The following SENP7 variants were observed in gnomAD, a reference collection of about 807,000 sequenced individuals.
SENP7 encodes the protein SUMO specific peptidase 7.
A neutral mutation model predicts 141.2 loss-of-function variants in SENP7; 64 were observed. The ratio of observed to expected loss-of-function variants is 0.45; its 90% CI spans 0.37 to 0.56. SENP7 has a LOEUF of 0.56. Ranked by LOEUF, SENP7 falls within the 20% of genes least tolerant of loss-of-function variation. The pLI, the probability that SENP7 is intolerant of heterozygous loss-of-function variation, is 0.00. For missense variants in SENP7, 1,025 were observed against 1,212.2 expected, an observed-to-expected ratio of 0.85 and a Z score of 2.29; for synonymous variants, 382 against 426.4, an observed-to-expected ratio of 0.90 and a Z score of 1.28.
chr3:101,443,233 T>C lies in SENP7; in HGVS notation c.284+15722A>G, dbSNP rs570188539. On this transcript the variant is annotated intron_variant, in intron 4 of 23. Transcript: ENST00000394095. The stretch of plus-strand genomic sequence containing the variant: ...TCCTTTCCCCATTGCTTGTTTTTGT[T>C]AGGTTTGTCAAAGATCAGATAGTTG... 3.2e-3 allele frequency among the ~76,000 whole-genome samples: 492 copies of C among 152,228 alleles called. 1 individual carries two copies. The highest frequency in any genetic ancestry group is 0.011 in the African/African-American group (477 of 41,510).
chr3:101,416,526 T>A lies in SENP7; in HGVS notation c.482+1067A>T, dbSNP rs574716952. Among the ~76,000 whole-genome samples the A allele has an allele frequency of 2.0e-5, 3 of 152,318 alleles. No homozygotes were observed. In the East Asian group the frequency reaches 5.8e-4, roughly 29 times the overall value. On this transcript the variant is annotated intron_variant, in intron 5 of 23. Coordinates refer to ENST00000394095, the MANE Select transcript of SENP7 (RefSeq NM_020654.5). ...AGATTAACCTGTACTGGGGAAGAAATCTGCTAGAACATAGAATGAGAGCAA... is the reference window on the plus strand; with the variant it reads ...AGATTAACCTGTACTGGGGAAGAAAACTGCTAGAACATAGAATGAGAGCAA...
intron 4 of SENP7, among the ~76,000 whole-genome samples, chr3:101,426,300 C>G (rs533052770): frequency 2.0e-5 from 3 of 152,178 alleles, no homozygotes; most frequent in Non-Finnish European, 4.4e-5. Flanking sequence ...ATGTTACAGG[C>G]AGCTAAAAAG....
intron 10 of SENP7, among the ~76,000 whole-genome samples, chr3:101,364,548 T>C (rs550826846): frequency 6.6e-6 from 1 of 152,218 alleles, no homozygotes; most frequent in East Asian, 1.9e-4. Flanking sequence ...TTCTACAAAA[T>C]GTTAGTGAAA....
Position 101,337,497 on chromosome 3 carries a change from G to A in SENP7, c.2480+12C>T, listed in dbSNP as rs758601286. ...TCTCTTAAAACTTAAGTACATTAGA[G>A]GATTAACTTACGAAAGATTTGGATT... On this transcript the variant is annotated intron_variant, in intron 17 of 23. Transcript: ENST00000394095. 1 of 1,497,056 alleles carries A rather than the reference G, an allele frequency of 6.7e-7. No homozygotes were observed. The highest frequency in any genetic ancestry group is 1.2e-5 in the South Asian group (1 of 83,830). 92.7% of individuals were successfully genotyped at this position (1,497,056 alleles called of 1,614,324 possible). A position where few individuals can be genotyped will look rare whatever the true frequency, so the allele number is the denominator to read the frequency against.
intron 3 of SENP7, among the ~76,000 whole-genome samples, chr3:101,469,160 T>G (rs1444567697): frequency 1.3e-5 from 2 of 152,098 alleles, no homozygotes; most frequent in Non-Finnish European, 2.9e-5. Flanking sequence ...CAAGAAGAGC[T>G]AACTATCCTA....
chr3:101,416,533 G>C (rs756859379), intron 5 of SENP7, among the ~76,000 whole-genome samples: 1 of 152,176 alleles, frequency 6.6e-6, no homozygotes, highest in African/African-American at 2.4e-5. Context: ...AAATCTGCTA[G>C]AACATAGAAT....
intron 6 of SENP7, among the ~76,000 whole-genome samples, chr3:101,378,929 CAATA>C (rs1396350255): frequency 1.3e-5 from 2 of 151,856 alleles, no homozygotes; most frequent in South Asian, 2.1e-4. Flanking sequence ...AAAAACCTAC[CAATA>C]AATAAATAAA....
intron 4 of SENP7, among the ~76,000 whole-genome samples, chr3:101,423,428 T>C (rs983350002): frequency 6.6e-6 from 1 of 151,934 alleles, no homozygotes; most frequent in Non-Finnish European, 1.5e-5. Flanking sequence ...GTGGAGAAAA[T>C]GAAACCCTTC....
In SENP7 at chr3:101,343,728, A is replaced by G; in HGVS notation, c.2064T>C (p.Gly688=). ...GCTTCATTTCTTCAGCAACAGCAAC[A>G]CCAGCAGGGAAAGAACAAGTTGAAA... ...YCVSTCSFPA[G]VAVAEEMKLK... The change falls in exon 14 of 24, where the codon GGT becomes GGC. Residue 688 remains glycine (G), a synonymous_variant. Coordinates refer to ENST00000394095, the MANE Select transcript of SENP7 (RefSeq NM_020654.5). 1.2e-6 allele frequency: 2 copies of G among 1,613,588 alleles called. No individual in the cohort carries two copies. Among genetic ancestry groups the G allele is most frequent in the Non-Finnish European group, 1.7e-6 (2 of 1,179,734 alleles).
At chr3:101,376,314 G>T (rs1409563451) in intron 6 of SENP7, among the ~76,000 whole-genome samples, 1 of 152,040 alleles carries the variant, frequency 6.6e-6, no homozygotes, top group Non-Finnish European at 1.5e-5. Context: ...GTACTTAATG[G>T]CAGTGAACTG....
rs1346001212 is a variant in SENP7 at position 101,481,797 on chromosome 3, T to C, written c.186+12076A>G. Among the ~76,000 whole-genome samples, 3 of 152,188 alleles carry C rather than the reference T, an allele frequency of 2.0e-5. No individual in the cohort carries two copies. In the East Asian group the frequency reaches 5.8e-4, roughly 29 times the overall value. On this transcript the variant is annotated intron_variant, in intron 3 of 23. Coordinates refer to ENST00000394095, the MANE Select transcript of SENP7 (RefSeq NM_020654.5). Reference sequence around the variant, plus strand: ...ATATTTATAACTTTTTAAAAAGATATGCTGATTGGGAAATAAAACTGTCTT... The same window carrying C: ...ATATTTATAACTTTTTAAAAAGATACGCTGATTGGGAAATAAAACTGTCTT...
chr3:101,429,011 T>A (rs2107704962), intron 4 of SENP7, among the ~76,000 whole-genome samples: 1 of 152,224 alleles, frequency 6.6e-6, no homozygotes, highest in Middle Eastern at 3.4e-3. Context: ...AGATGTGTGG[T>A]GTGATTTCTG....
At chr3:101,357,336 A>C (rs2059772194) in intron 11 of SENP7, 1 of 673,452 alleles carries the variant, frequency 1.5e-6, no homozygotes, top group Non-Finnish European at 2.8e-6. Flanking sequence ...AATTTATATA[A>C]GGATGTGATG....
intron 3 of SENP7, among the ~76,000 whole-genome samples, chr3:101,478,945 C>T (rs1175206724): frequency 6.6e-6 from 1 of 151,862 alleles, no homozygotes; most frequent in East Asian, 1.9e-4. Flanking sequence ...GGATGAAAAA[C>T]AAAAACCATG....
At chr3:101,507,666 CA>C (rs11322706) in intron 1 of SENP7, among the ~76,000 whole-genome samples, 60,202 of 150,360 alleles carry the variant, frequency 0.4, 12,466 homozygotes, top group Admixed American at 0.54. Flanking sequence ...GGGGGGAAGA[CA>C]AAAAAAAAAT....
chr3:101,402,635 A>AAAAAAAT (rs2061181948), intron 5 of SENP7, among the ~76,000 whole-genome samples: 1 of 151,126 alleles, frequency 6.6e-6, no homozygotes, highest in African/African-American at 2.4e-5. Flanking sequence ...AAAAAAAAAA[A>AAAAAAAT]TGCTAAATCT....
intron 4 of SENP7, among the ~76,000 whole-genome samples, chr3:101,452,376 T>A (rs1187647913): frequency 1.3e-5 from 2 of 152,178 alleles, no homozygotes. Flanking sequence ...TTAAAGTTCA[T>A]ATGGAACCAA....
chr3:101,512,843 G>A (rs898953843), intron 1 of SENP7, among the ~76,000 whole-genome samples: 1 of 152,164 alleles, frequency 6.6e-6, no homozygotes, highest in Admixed American at 6.5e-5. Context: ...GGGTGTTCGC[G>A]GGAGGAGGGA....
At chr3:101,451,481 C>T (rs1164641126) in intron 4 of SENP7, among the ~76,000 whole-genome samples, 1 of 152,200 alleles carries the variant, frequency 6.6e-6, no homozygotes, top group Non-Finnish European at 1.5e-5. Flanking sequence ...CACTGGCAAA[C>T]CGAATCCAGC....
Sources: gnomAD v4.1 joint callset for allele counts (sites outside exome capture counted in the v4.1 genomes callset) on GRCh38, gnomAD v4.1.1 for gene constraint, MANE v1.5 for transcripts, NCBI Gene and HGNC (gene_info 2026-07-23, HGNC 2026-07-21) for gene names.